Variants in ATP6AP2 observed in about 807,000 individuals in gnomAD.
ATP6AP2 encodes the protein renin receptor.
ATP6AP2 carries 1 observed loss-of-function variant against 23.4 expected under a neutral mutation model. That is an observed-to-expected ratio of 0.04 (90% CI 0.02 to 0.20). ATP6AP2 has a LOEUF of 0.20. ATP6AP2 is among the 10% of genes least tolerant of loss of function. ATP6AP2 has a pLI of 1.00. For synonymous variants in ATP6AP2, 90 were observed against 97.1 expected, an observed-to-expected ratio of 0.93 and a Z score of 0.43; for missense variants, 174 against 271.3, an observed-to-expected ratio of 0.64 and a Z score of 2.52.
intron 7 of ATP6AP2, 156 bp from the exon 8 acceptor site, chrX:40,600,606 G>A (rs910420816): frequency 8.2e-5 from 41 of 500,258 alleles, no homozygotes; most frequent in Non-Finnish European, 1.2e-4. Flanking sequence ...TAATGCATAT[G>A]TTAATTAGCC....
chrX:40,597,133 A>C (rs1333919984), intron 3 of ATP6AP2, 116 bp from the exon 4 acceptor site: 7 of 604,127 alleles, frequency 1.2e-5, no homozygotes, highest in African/African-American at 2.3e-5. Flanking sequence ...CGGGCTTCTA[A>C]ATTTCCATAG....
At chrX:40,594,085 C>T (rs1374410452) in intron 3 of ATP6AP2, among the ~76,000 whole-genome samples, 1 of 110,113 alleles carries the variant, frequency 9.1e-6, no homozygotes, top group African/African-American at 3.3e-5. Flanking sequence ...ACTTTTACCA[C>T]AAAAAAAATA....
chrX:40,594,202 AT>A (rs1434676674), intron 3 of ATP6AP2, among the ~76,000 whole-genome samples: 6 of 112,304 alleles, frequency 5.3e-5, no homozygotes, highest in African/African-American at 6.5e-5. Context: ...TACAGTTACT[AT>A]TTGTCAGTTA....
intron 7 of ATP6AP2, 108 bp downstream of exon 7, chrX:40,599,849 T>G (rs1926863019): frequency 1.0e-6 from 1 of 982,111 alleles, no homozygotes; most frequent in East Asian, 3.1e-5. Flanking sequence ...CTTATTTGCC[T>G]TCTTTGGGGC....
intron 3 of ATP6AP2, chrX:40,592,621 T>G (rs1926661972): frequency 8.9e-6 from 1 of 112,816 alleles, no homozygotes; most frequent in Non-Finnish European, 1.9e-5. Flanking sequence ...TAATTTATAT[T>G]GTGATTCTTT....
chrX:40,601,909 G>T (rs1287737474), intron 8 of ATP6AP2, among the ~76,000 whole-genome samples: 3 of 112,455 alleles, frequency 2.7e-5, no homozygotes. Flanking sequence ...CAGACAGCAT[G>T]TCAGTCTAGA....
chrX:40,593,203 C>T (rs779228001), intron 3 of ATP6AP2, among the ~76,000 whole-genome samples: 19 of 109,668 alleles, frequency 1.7e-4, no homozygotes, highest in East Asian at 5.8e-4. Context: ...GCTGGGATTG[C>T]GCCACTGCAC....
chrX:40,600,687 G>T (rs1926881860), intron 7 of ATP6AP2, 75 bp from the exon 8 acceptor site: 5 of 1,030,921 alleles, frequency 4.9e-6, no homozygotes, highest in Admixed American at 2.4e-5. Context: ...AAATATATAT[G>T]ATTTTAATTT....
intron 8 of ATP6AP2, chrX:40,603,347 A>G (rs1017551951): frequency 1.9e-5 from 1 of 52,269 alleles, no homozygotes; most frequent in Non-Finnish European, 3.7e-5. Flanking sequence ...GAAAAAGAAC[A>G]TGTTTATCAA....
At chrX:40,586,147 T>G (rs910154056) in intron 1 of ATP6AP2, among the ~76,000 whole-genome samples, 1 of 111,776 alleles carries the variant, frequency 8.9e-6, no homozygotes, top group Non-Finnish European at 1.9e-5. Flanking sequence ...AACAAGTACT[T>G]ATTGAGCACC....
At chrX:40,602,281 CAAAT>C (rs1216899069) in intron 8 of ATP6AP2, among the ~76,000 whole-genome samples, 6 of 97,992 alleles carry the variant, frequency 6.1e-5, no homozygotes, top group Non-Finnish European at 9.6e-5. Flanking sequence ...GACTCCGTCT[CAAAT>C]AAAAAAAAAA....
At chrX:40,584,458 G>A (rs1010687415) in intron 1 of ATP6AP2, among the ~76,000 whole-genome samples, 2 of 102,784 alleles carry the variant, frequency 1.9e-5, no homozygotes, top group South Asian at 4.6e-4. Flanking sequence ...TACAACCTCC[G>A]CCTCTGGGGT....
chrX:40,598,137 A>G, intron 5 of ATP6AP2: 1 of 165,917 alleles, frequency 6.0e-6, no homozygotes, highest in Non-Finnish European at 1.1e-5. Context: ...TTGTTGCCAC[A>G]TTTTTCTCAT....
At chrX:40,581,627 ACTTATATTT>A (rs1926326790) in intron 1 of ATP6AP2, among the ~76,000 whole-genome samples, 1 of 111,858 alleles carries the variant, frequency 8.9e-6, no homozygotes, top group South Asian at 3.6e-4. Flanking sequence ...TTTTTATATG[ACTTATATTT>A]CTTAAGGCGA....
At chrX:40,602,054 GGCGGA>G (rs1294304351) in intron 8 of ATP6AP2, among the ~76,000 whole-genome samples, 29 of 102,016 alleles carry the variant, frequency 2.8e-4, no homozygotes, top group African/African-American at 9.2e-4. Flanking sequence ...GGTTGAGGCG[GGCGGA>G]ACACCTGAGG....
chrX:40,597,153 G>C, intron 3 of ATP6AP2, 96 bp from the exon 4 acceptor site: 1 of 711,094 alleles, frequency 1.4e-6, no homozygotes, highest in Non-Finnish European at 2.2e-6. Flanking sequence ...GAAAGTGCTG[G>C]AAAAAAGTTT....
chrX:40,583,319 G>A (rs1926376162), intron 1 of ATP6AP2, among the ~76,000 whole-genome samples: 1 of 111,720 alleles, frequency 9.0e-6, no homozygotes, highest in Non-Finnish European at 1.9e-5. Flanking sequence ...TAGAGGGAAG[G>A]ACACTTAGCC....
chrX:40,601,197 C>T lies in ATP6AP2; in HGVS notation c.858+316C>T, dbSNP rs191099116. Among the ~76,000 whole-genome samples the T allele has an allele frequency of 2.3e-3, 252 of 111,537 alleles. 4 individuals are homozygous for T. The highest frequency in any genetic ancestry group is 0.022 in the Admixed American group (227 of 10,521). Reference sequence around the variant, plus strand: ...GTTAATGTGGCGCCAGGTGCAGTGGCGTGCATCTGTAATTGCAGCTTCTCA... The same window carrying T: ...GTTAATGTGGCGCCAGGTGCAGTGGTGTGCATCTGTAATTGCAGCTTCTCA... On this transcript the variant is annotated intron_variant, in intron 8 of 8. Coordinates refer to ENST00000636580, the MANE Select transcript of ATP6AP2 (RefSeq NM_005765.3).
intron 1 of ATP6AP2, among the ~76,000 whole-genome samples, chrX:40,583,598 T>G (rs1322083096): frequency 1.8e-5 from 2 of 111,447 alleles, no homozygotes; most frequent in Non-Finnish European, 3.8e-5. Flanking sequence ...AGAAGGCATT[T>G]AAGCAGAAGG....
Sources: allele counts gnomAD v4.1 joint callset (sites outside exome capture counted in the v4.1 genomes callset), GRCh38; gene constraint gnomAD v4.1.1; transcripts MANE v1.5; gene names NCBI Gene and HGNC (gene_info 2026-07-23, HGNC 2026-07-21).